Variants in IGSF11 observed in about 807,000 individuals in gnomAD.
IGSF11 encodes the protein CXADR like 1.
In IGSF11, 22 loss-of-function variants were observed where a neutral mutation model predicts 41.0. That is an observed-to-expected ratio of 0.54 (90% CI 0.38 to 0.77). IGSF11 has a LOEUF of 0.77. Among genes scored for constraint, IGSF11 ranks in the 30% least tolerant of loss-of-function variants. IGSF11 has a pLI of 0.00. For synonymous variants in IGSF11, 219 were observed against 201.3 expected (o/e 1.09, Z -0.74); for missense variants, 444 against 530.8 (o/e 0.84, Z 1.61).
intron 1 of IGSF11, among the ~76,000 whole-genome samples, chr3:119,119,062 C>A (rs562141753): frequency 6.6e-6 from 1 of 152,170 alleles, no homozygotes; most frequent in African/African-American, 2.4e-5. Context: ...CCACATTTTC[C>A]TGTCTTCTTC....
intron 1 of IGSF11, among the ~76,000 whole-genome samples, chr3:118,944,444 C>T (rs530988333): frequency 7.1e-6 from 1 of 140,050 alleles, no homozygotes; most frequent in Non-Finnish European, 1.5e-5. Flanking sequence ...TGGTCTATTG[C>T]CTTAGCTTGA....
chr3:118,955,675 T>C (rs1330744911), intron 1 of IGSF11, among the ~76,000 whole-genome samples: 1 of 152,166 alleles, frequency 6.6e-6, no homozygotes, highest in East Asian at 1.9e-4. Context: ...CAGTAAACCC[T>C]GCTATAAACA....
chr3:119,102,960 T>A (rs2076960969), intron 1 of IGSF11, among the ~76,000 whole-genome samples: 1 of 151,856 alleles, frequency 6.6e-6, no homozygotes, highest in Non-Finnish European at 1.5e-5. Context: ...AATTAAGGTT[T>A]GTTGTTTTGT....
intron 1 of IGSF11, among the ~76,000 whole-genome samples, chr3:118,997,338 A>G (rs970721146): frequency 6.6e-6 from 1 of 152,244 alleles, no homozygotes; most frequent in Admixed American, 6.5e-5. Flanking sequence ...TCAGCTTCTT[A>G]GAAAGATTAA....
intron 1 of IGSF11, among the ~76,000 whole-genome samples, chr3:119,123,143 G>C (rs940214411): frequency 2.6e-5 from 4 of 152,122 alleles, no homozygotes; most frequent in Non-Finnish European, 5.9e-5. Flanking sequence ...TCCCAGCCTG[G>C]CACCATTCAC....
chr3:119,033,273 A>G (rs770810425), intron 1 of IGSF11, among the ~76,000 whole-genome samples: 6 of 152,242 alleles, frequency 3.9e-5, no homozygotes, highest in Non-Finnish European at 8.8e-5. Context: ...CAAGGATTGC[A>G]TAAAAAGCCG....
intron 1 of IGSF11, among the ~76,000 whole-genome samples, chr3:119,009,390 G>A (rs1344032656): frequency 1.3e-5 from 2 of 152,154 alleles, no homozygotes; most frequent in South Asian, 2.1e-4. Flanking sequence ...GTCAAGGGAG[G>A]GACCTGGTGG....
At chr3:119,027,506 T>C (rs1263304378) in intron 1 of IGSF11, among the ~76,000 whole-genome samples, 5 of 152,126 alleles carry the variant, frequency 3.3e-5, no homozygotes, top group Admixed American at 2.0e-4. Context: ...GTCCCAAAAA[T>C]GTGAAAGTGC....
intron 1 of IGSF11, among the ~76,000 whole-genome samples, chr3:119,031,287 A>AACTC (rs1940375575): frequency 6.6e-6 from 1 of 151,604 alleles, no homozygotes; most frequent in African/African-American, 2.4e-5. Context: ...CAAACTAACT[A>AACTC]AGTAGTTATG....
At chr3:119,068,895 A>G (rs1251961769) in intron 1 of IGSF11, among the ~76,000 whole-genome samples, 1 of 149,914 alleles carries the variant, frequency 6.7e-6, no homozygotes, top group Admixed American at 6.6e-5. Flanking sequence ...GGTATGATTT[A>G]TGAGTGACAA....
At chr3:118,977,844 CAGTGCCATTTTA>C (rs894074587) in intron 1 of IGSF11, among the ~76,000 whole-genome samples, 4 of 152,186 alleles carry the variant, frequency 2.6e-5, no homozygotes, top group Non-Finnish European at 5.9e-5. Flanking sequence ...AGCTGCAGCA[CAGTGCCATTTTA>C]AGAGCCTAGC....
At chr3:118,907,351 GA>G (rs1254442514) in intron 4 of IGSF11, among the ~76,000 whole-genome samples, 1 of 152,132 alleles carries the variant, frequency 6.6e-6, no homozygotes, top group Non-Finnish European at 1.5e-5. Context: ...TGAGGATGGT[GA>G]TAAAATAATG....
chr3:119,124,741 T>G (rs1430135550), intron 1 of IGSF11, among the ~76,000 whole-genome samples: 1 of 151,976 alleles, frequency 6.6e-6, no homozygotes, highest in Non-Finnish European at 1.5e-5. Flanking sequence ...GACATAGGCA[T>G]AGAAAGTTCA....
chr3:119,110,352 C>G (rs1010557717), intron 1 of IGSF11, among the ~76,000 whole-genome samples: 3 of 152,030 alleles, frequency 2.0e-5, no homozygotes, highest in African/African-American at 7.2e-5. Flanking sequence ...TAATGGCCTT[C>G]TTTGTCTCTT....
chr3:119,083,039 C>T (rs1488703247), intron 1 of IGSF11, among the ~76,000 whole-genome samples: 2 of 152,028 alleles, frequency 1.3e-5, no homozygotes, highest in Non-Finnish European at 2.9e-5. Flanking sequence ...AAGTATAGCA[C>T]CATAAGCTGT....
chr3:118,928,473 A>G, intron 3 of IGSF11, 36 bp downstream of exon 3: 1 of 1,554,124 alleles, frequency 6.4e-7, no homozygotes. Context: ...CTTCGTGAGT[A>G]AAGCCCGAAC....
chr3:119,001,457 C>A (rs1205704410), intron 1 of IGSF11, among the ~76,000 whole-genome samples: 2 of 134,494 alleles, frequency 1.5e-5, no homozygotes, highest in Admixed American at 7.4e-5. Context: ...TTTTTCTGGC[C>A]CCAGGTTTTC....
intron 1 of IGSF11, among the ~76,000 whole-genome samples, chr3:119,070,163 C>T (rs1019334681): frequency 3.3e-5 from 5 of 152,160 alleles, no homozygotes; most frequent in Admixed American, 3.3e-4. Flanking sequence ...TTCTTCTAGA[C>T]CAAAACAGTA....
At chr3:119,068,678 A>G (rs998272966) in intron 1 of IGSF11, among the ~76,000 whole-genome samples, 1 of 152,176 alleles carries the variant, frequency 6.6e-6, no homozygotes, top group Admixed American at 6.5e-5. Flanking sequence ...AGTTTTTAGT[A>G]AATAATTTAT....
Sources: allele counts gnomAD v4.1 joint callset (sites outside exome capture counted in the v4.1 genomes callset), GRCh38; gene constraint gnomAD v4.1.1; transcripts MANE v1.5; gene names NCBI Gene and HGNC (gene_info 2026-07-23, HGNC 2026-07-21).